Variants in CAMK1D observed in about 807,000 individuals in gnomAD.
CAMK1D encodes the protein calcium/calmodulin-dependent protein kinase type 1D.
In CAMK1D, 9 loss-of-function variants were observed where a neutral mutation model predicts 47.7. The observed-to-expected ratio is 0.19, with a 90% CI of 0.11 to 0.33. The LOEUF is 0.33. Ranked by LOEUF, CAMK1D falls within the 10% of genes least tolerant of loss-of-function variation. The pLI, the probability that CAMK1D is intolerant of heterozygous loss-of-function variation, is 1.00. For missense variants in CAMK1D, 291 were observed against 488.7 expected, an observed-to-expected ratio of 0.60 and a Z score of 3.81; for synonymous variants, 184 against 184.9, an observed-to-expected ratio of 0.99 and a Z score of 0.04.
intron 3 of CAMK1D, among the ~76,000 whole-genome samples, chr10:12,724,922 C>T (rs1277880848): frequency 2.6e-5 from 4 of 152,006 alleles, no homozygotes; most frequent in African/African-American, 7.3e-5. Context: ...CGTGTCTCAG[C>T]GTCTGCCACC....
chr10:12,622,575 G>A (rs7906788), intron 2 of CAMK1D, among the ~76,000 whole-genome samples: 53,036 of 151,838 alleles, frequency 0.35, 11,527 homozygotes, highest in Non-Finnish European at 0.45. Context: ...GTTATACTTA[G>A]GAAGAATAGA....
intron 2 of CAMK1D, among the ~76,000 whole-genome samples, chr10:12,616,658 C>G (rs911155839): frequency 1.3e-5 from 2 of 151,970 alleles, no homozygotes; most frequent in African/African-American, 4.8e-5. Flanking sequence ...GCTGGGACTA[C>G]AGGCGCCCGC....
intron 1 of CAMK1D, among the ~76,000 whole-genome samples, chr10:12,385,296 A>T (rs903532717): frequency 6.6e-6 from 1 of 152,258 alleles, no homozygotes; most frequent in Admixed American, 6.5e-5. Flanking sequence ...AAACCTGTAT[A>T]TGAATGTTCA....
At chr10:12,436,638 C>T (rs1180984594) in intron 1 of CAMK1D, among the ~76,000 whole-genome samples, 5 of 152,142 alleles carry the variant, frequency 3.3e-5, no homozygotes, top group Admixed American at 2.0e-4. Context: ...TGTAGTTAGC[C>T]CATCTCAGCC....
chr10:12,724,557 C>T (rs1224718198), intron 3 of CAMK1D, among the ~76,000 whole-genome samples: 1 of 152,298 alleles, frequency 6.6e-6, no homozygotes, highest in Admixed American at 6.5e-5. Context: ...AAAAGCAAAA[C>T]CTTGTAAATC....
At chr10:12,568,056 C>G (rs1293653440) in intron 2 of CAMK1D, among the ~76,000 whole-genome samples, 1 of 151,654 alleles carries the variant, frequency 6.6e-6, no homozygotes, top group Non-Finnish European at 1.5e-5. Flanking sequence ...GTTCTGGGAC[C>G]CACTCTCAGT....
At chr10:12,696,759 G>C (rs1442103455) in intron 3 of CAMK1D, among the ~76,000 whole-genome samples, 1 of 152,160 alleles carries the variant, frequency 6.6e-6, no homozygotes, top group East Asian at 1.9e-4. Context: ...CTACTCAATA[G>C]AACAAGTAGT....
chr10:12,777,853 C>T (rs1381464790), intron 5 of CAMK1D, among the ~76,000 whole-genome samples: 1 of 152,240 alleles, frequency 6.6e-6, no homozygotes, highest in Non-Finnish European at 1.5e-5. Context: ...CATTTTGAAC[C>T]TTGAGCAAAG....
chr10:12,484,199 C>T (rs902945426), intron 1 of CAMK1D, among the ~76,000 whole-genome samples: 1 of 152,164 alleles, frequency 6.6e-6, no homozygotes, highest in Non-Finnish European at 1.5e-5. Context: ...CTCTGAGCTC[C>T]GGCTCAGCCT....
At chr10:12,737,137 C>T (rs552902302) in intron 3 of CAMK1D, among the ~76,000 whole-genome samples, 3 of 152,176 alleles carry the variant, frequency 2.0e-5, no homozygotes, top group Admixed American at 1.3e-4. Flanking sequence ...CCTGGGCCTT[C>T]CTCCCACCCT....
chr10:12,733,054 C>T (rs1038199425), intron 3 of CAMK1D, among the ~76,000 whole-genome samples: 1 of 152,200 alleles, frequency 6.6e-6, no homozygotes, highest in Non-Finnish European at 1.5e-5. Context: ...ACGATACATA[C>T]GATGTCACTC....
intron 1 of CAMK1D, among the ~76,000 whole-genome samples, chr10:12,470,846 T>C (rs1468575124): frequency 6.6e-6 from 1 of 152,014 alleles, no homozygotes; most frequent in Non-Finnish European, 1.5e-5. Flanking sequence ...CAAGAAACCA[T>C]GGCTTGAGGT....
rs543556469 is a variant in CAMK1D at position 12,439,876 on chromosome 10, C to T, written c.92+89966C>T. On this transcript the variant is annotated intron_variant, in intron 1 of 10. Transcript: ENST00000619168. Reference sequence around the variant, plus strand: ...GAGGCCTCACAATCATGGTGGAAGGCAAAAGGCACATCTTACATGGCGGCA... The same window carrying T: ...GAGGCCTCACAATCATGGTGGAAGGTAAAAGGCACATCTTACATGGCGGCA... 9.9e-5 allele frequency among the ~76,000 whole-genome samples: 15 copies of T among 152,246 alleles called. No individual in the cohort carries two copies. In the South Asian group the frequency reaches 2.3e-3, roughly 23 times the overall value.
intron 1 of CAMK1D, among the ~76,000 whole-genome samples, chr10:12,351,359 G>C (rs2131827314): frequency 6.6e-6 from 1 of 152,290 alleles, no homozygotes; most frequent in Non-Finnish European, 1.5e-5. Context: ...GGTTAGTTTG[G>C]GTCAAAACTT....
chr10:12,423,598 T>C (rs1174560067), intron 1 of CAMK1D, among the ~76,000 whole-genome samples: 2 of 152,214 alleles, frequency 1.3e-5, no homozygotes, highest in Non-Finnish European at 2.9e-5. Flanking sequence ...GTGAGTTGCC[T>C]GTGAATATCC....
intron 2 of CAMK1D, among the ~76,000 whole-genome samples, chr10:12,638,703 A>C (rs1197768775): frequency 2.0e-5 from 3 of 152,162 alleles, no homozygotes; most frequent in Admixed American, 6.5e-5. Flanking sequence ...CCCAGAGTGC[A>C]ATCGTGTCTG....
At chr10:12,362,943 CT>C (rs397809296) in intron 1 of CAMK1D, among the ~76,000 whole-genome samples, 201 of 135,208 alleles carry the variant, frequency 1.5e-3, no homozygotes, top group East Asian at 2.2e-3. Context: ...CCCGCCCGGC[CT>C]TTTTTTTTTT....
At chr10:12,612,770 A>G (rs1838669077) in intron 2 of CAMK1D, among the ~76,000 whole-genome samples, 1 of 152,168 alleles carries the variant, frequency 6.6e-6, no homozygotes, top group Non-Finnish European at 1.5e-5. Context: ...ATGTTTTTCA[A>G]AACACCTAGA....
intron 2 of CAMK1D, among the ~76,000 whole-genome samples, chr10:12,618,151 C>G (rs756543905): frequency 5.9e-5 from 9 of 152,180 alleles, no homozygotes; most frequent in Non-Finnish European, 1.3e-4. Flanking sequence ...GTCTCTCTCT[C>G]CTCTTCAACA....
Sources: gnomAD v4.1 joint callset for allele counts (sites outside exome capture counted in the v4.1 genomes callset) on GRCh38, gnomAD v4.1.1 for gene constraint, MANE v1.5 for transcripts, NCBI Gene and HGNC (gene_info 2026-07-23, HGNC 2026-07-21) for gene names.